SLC7A1: variants seen among roughly 807,000 people sequenced by gnomAD.
SLC7A1 encodes the protein solute carrier family 7 member 1, also known as high affinity cationic amino acid transporter 1.
SLC7A1 carries 10 observed loss-of-function variants against 53.9 expected under a neutral mutation model. That is an observed-to-expected ratio of 0.19 (90% CI 0.11 to 0.31). The LOEUF is 0.31. SLC7A1 is among the 10% of genes least tolerant of loss of function. SLC7A1 has a pLI of 1.00. For missense variants in SLC7A1, 525 were observed against 827.2 expected, an observed-to-expected ratio of 0.63 and a Z score of 4.48; for synonymous variants, 342 against 338.7, an observed-to-expected ratio of 1.01 and a Z score of -0.11.
chr13:29,590,593 A>G (rs1285779612), intron 1 of SLC7A1, among the ~76,000 whole-genome samples: 1 of 152,136 alleles, frequency 6.6e-6, no homozygotes, highest in East Asian at 1.9e-4. Flanking sequence ...CCAGGCAGTC[A>G]GAGCCAAAAC....
intron 1 of SLC7A1, among the ~76,000 whole-genome samples, chr13:29,592,045 C>G (rs1872132562): frequency 6.6e-6 from 1 of 152,208 alleles, no homozygotes; most frequent in Admixed American, 6.5e-5. Flanking sequence ...TTCACGAAGT[C>G]TAAATTACTT....
At chr13:29,527,756 TG>T (rs1868963609) in intron 5 of SLC7A1, among the ~76,000 whole-genome samples, 1 of 152,248 alleles carries the variant, frequency 6.6e-6, no homozygotes, top group African/African-American at 2.4e-5. Flanking sequence ...GGTCTCCCAC[TG>T]CATCAGTGGT....
chr13:29,572,702 G>C (rs1871251468), intron 1 of SLC7A1, among the ~76,000 whole-genome samples: 1 of 152,174 alleles, frequency 6.6e-6, no homozygotes, highest in African/African-American at 2.4e-5. Context: ...CTCTGCCCTA[G>C]TTTGTAATCT....
In SLC7A1 at chr13:29,536,280, CACAG is replaced by C. The variant is rs1167221068; in HGVS notation, c.-14-82_-14-79del. 3 of 1,371,970 alleles carry C rather than the reference CACAG, an allele frequency of 2.2e-6. No homozygotes were observed. In the African/African-American group the frequency reaches 4.3e-5, roughly 20 times the overall value. 85.0% of individuals were successfully genotyped at this position (1,371,970 alleles called of 1,614,324 possible). A position where few individuals can be genotyped will look rare whatever the true frequency, so the allele number is the denominator to read the frequency against. On this transcript the variant is annotated intron_variant, in intron 2 of 12. Coordinates refer to ENST00000380752, the MANE Select transcript of SLC7A1 (RefSeq NM_003045.5). Reference sequence around the variant, plus strand: ...CTCTAATCTTATCACATTATGGAAACACAGACAGTGATCAGGTCCTTCATAATCA... The same window carrying C: ...CTCTAATCTTATCACATTATGGAAACACAGTGATCAGGTCCTTCATAATCA...
At chr13:29,519,662 AC>A (rs879126427) in intron 8 of SLC7A1, 113 bp from the exon 9 acceptor site, 14 of 542,584 alleles carry the variant, frequency 2.6e-5, no homozygotes, top group Non-Finnish European at 4.2e-5. Context: ...TTTTACTCCC[AC>A]CCCCTCCCTG....
Position 29,530,754 on chromosome 13 carries a change from C to T in SLC7A1, c.530-42G>A, listed in dbSNP as rs780364982. 17 of 1,566,740 alleles carry T rather than the reference C, an allele frequency of 1.1e-5. No homozygotes were observed. The East Asian group carries it at 3.8e-4, about 35-fold the overall frequency. Reference sequence around the variant, plus strand: ...ACACAAAACTTTGTCTGAGTGTTAACCACAAACTGGGAAGGTCCTTCCTGG... The same window carrying T: ...ACACAAAACTTTGTCTGAGTGTTAATCACAAACTGGGAAGGTCCTTCCTGG... On this transcript the variant is annotated intron_variant, in intron 4 of 12. Transcript: ENST00000380752.
chr13:29,559,904 A>G (rs1254698912), intron 1 of SLC7A1, among the ~76,000 whole-genome samples: 3 of 151,820 alleles, frequency 2.0e-5, no homozygotes, highest in South Asian at 2.1e-4. Flanking sequence ...TTTAGTAGAG[A>G]CGGGGTTTCA....
intron 2 of SLC7A1, among the ~76,000 whole-genome samples, chr13:29,552,861 C>T: frequency 6.6e-6 from 1 of 152,228 alleles, no homozygotes; most frequent in Admixed American, 6.5e-5. Context: ...TGTGTTTCTT[C>T]AATTCCTCTA....
At chr13:29,589,379 T>C (rs1029355615) in intron 1 of SLC7A1, among the ~76,000 whole-genome samples, 6 of 152,054 alleles carry the variant, frequency 3.9e-5, no homozygotes, top group South Asian at 4.2e-4. Flanking sequence ...CAAGGCTCCA[T>C]TGTGGTCTGG....
At chr13:29,551,575 C>T (rs961127047) in intron 2 of SLC7A1, among the ~76,000 whole-genome samples, 1 of 152,194 alleles carries the variant, frequency 6.6e-6, no homozygotes, top group African/African-American at 2.4e-5. Context: ...CTGACTTAGG[C>T]TATTCACTCA....
At chr13:29,587,986 T>C (rs11840806) in intron 1 of SLC7A1, among the ~76,000 whole-genome samples, 3,506 of 152,340 alleles carry the variant, frequency 0.023, 129 homozygotes, top group African/African-American at 0.079. Context: ...GAGCTGGAAT[T>C]ATGAATGGGT....
chr13:29,554,037 G>A (rs1870321333), intron 1 of SLC7A1, among the ~76,000 whole-genome samples, 177 bp from the exon 2 acceptor site: 1 of 152,212 alleles, frequency 6.6e-6, no homozygotes, highest in African/African-American at 2.4e-5. Flanking sequence ...GGCATCATCG[G>A]GGGAATTCAG....
In SLC7A1 at chr13:29,589,889, G is replaced by A. The variant is rs575961052; in HGVS notation, c.-115+5527C>T. 2.6e-5 allele frequency among the ~76,000 whole-genome samples: 4 copies of A among 152,294 alleles called. No individual in the cohort carries two copies. In the South Asian group the frequency reaches 8.3e-4, roughly 32 times the overall value. On this transcript the variant is annotated intron_variant, in intron 1 of 12. Coordinates refer to ENST00000380752, the MANE Select transcript of SLC7A1 (RefSeq NM_003045.5). ...CCTCTCCCCATCAGTCACACCAGAA[G>A]GGCCGATCCCACTGGGTGGTTAGGA...
intron 1 of SLC7A1, among the ~76,000 whole-genome samples, chr13:29,595,143 C>G (rs1281023439): frequency 1.3e-5 from 2 of 152,090 alleles, no homozygotes; most frequent in Non-Finnish European, 2.9e-5. Flanking sequence ...CGCTTACTCA[C>G]TCGGTGTTGC....
chr13:29,521,979 A>G (rs1477069328), intron 8 of SLC7A1, among the ~76,000 whole-genome samples: 1 of 152,206 alleles, frequency 6.6e-6, no homozygotes, highest in Admixed American at 6.5e-5. Flanking sequence ...GGCCTGTGTC[A>G]TGCAGGAAGG....
chr13:29,517,044 G>T (rs904182644), intron 11 of SLC7A1, 100 bp downstream of exon 11: 25 of 1,193,158 alleles, frequency 2.1e-5, no homozygotes, highest in Non-Finnish European at 2.9e-5. Flanking sequence ...AACCTTCCTC[G>T]GGAGCACCCA....
chr13:29,532,909 T>A lies in SLC7A1; in HGVS notation c.444A>T (p.Ser148=). The change falls in exon 4 of 13, where the codon TCA becomes TCT. Residue 148 remains serine, a synonymous_variant. Transcript: ENST00000380752. The part of the protein sequence containing the change: ...ELIGRPIGEF[S]RTHMTLNAPG... Reference sequence around the variant, plus strand: ...GGGCGTTCAGAGTCATGTGTGTCCGTGAGAACTCCCCGATGGGTCTGCCTA... The same window carrying A: ...GGGCGTTCAGAGTCATGTGTGTCCGAGAGAACTCCCCGATGGGTCTGCCTA... The A allele has an allele frequency of 1.2e-6, 2 of 1,613,726 alleles. No individual in the cohort carries two copies. The highest frequency in any genetic ancestry group is 1.7e-6 in the Non-Finnish European group (2 of 1,179,616).
intron 1 of SLC7A1, among the ~76,000 whole-genome samples, chr13:29,582,960 G>A (rs1405503428): frequency 6.6e-6 from 1 of 152,226 alleles, no homozygotes; most frequent in African/African-American, 2.4e-5. Context: ...GAACAGGACT[G>A]TTACAAAATG....
intron 1 of SLC7A1, among the ~76,000 whole-genome samples, chr13:29,590,658 C>T (rs752096563): frequency 6.6e-6 from 1 of 152,178 alleles, no homozygotes; most frequent in Non-Finnish European, 1.5e-5. Context: ...GGATGGTGAA[C>T]CTGTCAGCAG....
Sources: gnomAD v4.1 joint callset for allele counts (sites outside exome capture counted in the v4.1 genomes callset) on GRCh38, gnomAD v4.1.1 for gene constraint, MANE v1.5 for transcripts, NCBI Gene and HGNC (gene_info 2026-07-23, HGNC 2026-07-21) for gene names.